Variants in XYLB observed in about 807,000 individuals in gnomAD.
XYLB encodes the protein xylulokinase, also known as xylulose kinase.
XYLB carries 62 observed loss-of-function variants against 78.7 expected under a neutral mutation model. The ratio of observed to expected loss-of-function variants is 0.79; its 90% confidence interval spans 0.64 to 0.97. The LOEUF is 0.97. XYLB is among the 50% of genes least tolerant of loss of function. The pLI is 0.00. For missense variants in XYLB, 687 were observed against 676.8 expected (o/e 1.02, Z -0.17); for synonymous variants, 245 against 247.4 (o/e 0.99, Z 0.09).
At chr3:38,386,019 C>T (rs1275056305) in intron 15 of XYLB, among the ~76,000 whole-genome samples, 1 of 152,194 alleles carries the variant, frequency 6.6e-6, no homozygotes. Context: ...TGTCTGTCTA[C>T]TTCTCCATGT....
chr3:38,400,659 C>A (rs1299453194), intron 17 of XYLB, among the ~76,000 whole-genome samples: 2 of 152,104 alleles, frequency 1.3e-5, no homozygotes, highest in Non-Finnish European at 2.9e-5. Context: ...CCTGCACTTG[C>A]CATTTTTTTG....
chr3:38,406,333 G>GT (rs1198280849), intron 18 of XYLB, among the ~76,000 whole-genome samples: 1 of 152,244 alleles, frequency 6.6e-6, no homozygotes, highest in Non-Finnish European at 1.5e-5. Context: ...GGTCCTGTCT[G>GT]TTAGAAGGAA....
intron 15 of XYLB, among the ~76,000 whole-genome samples, chr3:38,395,090 A>G (rs1707814333): frequency 6.6e-6 from 1 of 152,202 alleles, no homozygotes; most frequent in Non-Finnish European, 1.5e-5. Flanking sequence ...GACTACTTGA[A>G]GGTGTGAATA....
At chr3:38,433,520 C>T in the XYLB span, among the ~76,000 whole-genome samples, 12 of 152,168 alleles carry the variant, frequency 7.9e-5, no homozygotes, top group Non-Finnish European at 1.6e-4. Flanking sequence ...TTCCTTTGAA[C>T]GCTTTGTCAA....
intron 15 of XYLB, among the ~76,000 whole-genome samples, chr3:38,394,168 C>G (rs1178974070): frequency 6.6e-6 from 1 of 152,112 alleles, no homozygotes; most frequent in Non-Finnish European, 1.5e-5. Flanking sequence ...CATGGAATAT[C>G]TTTTAATTTA....
chr3:38,412,806 GCTTT>G, intron 18 of XYLB, 126 bp from the exon 19 acceptor site: 1 of 729,788 alleles, frequency 1.4e-6, no homozygotes, highest in Non-Finnish European at 2.3e-6. Context: ...GTGAATTGAT[GCTTT>G]CTTTCGCCCA....
At chr3:38,450,685 A>C in the XYLB span, among the ~76,000 whole-genome samples, 1 of 152,160 alleles carries the variant, frequency 6.6e-6, no homozygotes, top group Non-Finnish European at 1.5e-5. Context: ...ATCCATTATC[A>C]CCTTTCTCAA....
At chr3:38,376,602 G>T (rs1377988988) in intron 13 of XYLB, among the ~76,000 whole-genome samples, 1 of 152,240 alleles carries the variant, frequency 6.6e-6, no homozygotes, top group Non-Finnish European at 1.5e-5. Flanking sequence ...GCAGGCCTGA[G>T]CAGGGAGGGT....
the XYLB span, among the ~76,000 whole-genome samples, chr3:38,428,981 G>C: frequency 6.6e-6 from 1 of 152,212 alleles, no homozygotes; most frequent in African/African-American, 2.4e-5. Context: ...CCTGCTGGGA[G>C]ACCTGTTGAC....
chr3:38,365,157 T>C (rs704942), intron 4 of XYLB, 42 bp from the exon 5 acceptor site: 1,505,011 of 1,594,072 alleles, frequency 0.94, 711,056 homozygotes, highest in East Asian at 1. Flanking sequence ...GCTGTGACAC[T>C]GGTGTGTGGT....
intron 2 of XYLB, chr3:38,355,948 T>G: frequency 1.7e-6 from 1 of 592,212 alleles, no homozygotes; most frequent in Non-Finnish European, 3.0e-6. Flanking sequence ...CCTCATATCC[T>G]TTTTTTAAAG....
At chr3:38,434,647 T>A in the XYLB span, among the ~76,000 whole-genome samples, 3 of 151,928 alleles carry the variant, frequency 2.0e-5, no homozygotes, top group Non-Finnish European at 4.4e-5. Context: ...GGTAAAGCAA[T>A]CACACAAAGG....
At chr3:38,361,092 C>T (rs1351157223) in intron 3 of XYLB, among the ~76,000 whole-genome samples, 2 of 152,196 alleles carry the variant, frequency 1.3e-5, no homozygotes, top group Non-Finnish European at 2.9e-5. Flanking sequence ...AGTGCTCAGC[C>T]TCCAAGATCC....
intron 15 of XYLB, among the ~76,000 whole-genome samples, chr3:38,379,570 C>T (rs1378171047): frequency 6.6e-6 from 1 of 152,196 alleles, no homozygotes; most frequent in East Asian, 1.9e-4. Flanking sequence ...GCTGTGTCCA[C>T]AATAGCCTGA....
chr3:38,386,635 CT>C (rs1460095168), intron 15 of XYLB, among the ~76,000 whole-genome samples: 2 of 151,880 alleles, frequency 1.3e-5, no homozygotes, highest in African/African-American at 2.4e-5. Context: ...AAGGTATACA[CT>C]TTTTAATTGA....
the XYLB span, among the ~76,000 whole-genome samples, chr3:38,429,064 G>A: frequency 1.2e-4 from 18 of 152,196 alleles, no homozygotes; most frequent in Non-Finnish European, 1.9e-4. Flanking sequence ...AAGGTCATTC[G>A]CCTTCCCAAG....
intron 18 of XYLB, among the ~76,000 whole-genome samples, chr3:38,404,158 C>T (rs1468009413): frequency 6.6e-6 from 1 of 152,240 alleles, no homozygotes; most frequent in Non-Finnish European, 1.5e-5. Context: ...GCTTTGTTCT[C>T]TGACTCCTTA....
chr3:38,381,397 G>A (rs1707137093), intron 15 of XYLB, among the ~76,000 whole-genome samples: 2 of 152,146 alleles, frequency 1.3e-5, no homozygotes, highest in Non-Finnish European at 2.9e-5. Context: ...TGCACAAATT[G>A]TACAGCATGT....
chr3:38,381,517 A>G (rs893379714), intron 15 of XYLB, among the ~76,000 whole-genome samples: 12 of 152,266 alleles, frequency 7.9e-5, no homozygotes, highest in African/African-American at 2.9e-4. Flanking sequence ...TGAGCTGGGC[A>G]GAACAGAACC....
Sources: allele counts gnomAD v4.1 joint callset (sites outside exome capture counted in the v4.1 genomes callset), GRCh38; gene constraint gnomAD v4.1.1; transcripts MANE v1.5; gene names NCBI Gene and HGNC (gene_info 2026-07-23, HGNC 2026-07-21).